DIP2B: variants seen among roughly 807,000 people sequenced by gnomAD.
DIP2B encodes the protein disco-interacting protein 2 homolog B.
Under a neutral mutation model 198.0 loss-of-function variants are expected in DIP2B, and 76 were observed. The observed-to-expected ratio is 0.38, with a 90% CI of 0.32 to 0.46. DIP2B has a LOEUF of 0.46. Ranked by LOEUF, DIP2B falls within the 20% of genes least tolerant of loss-of-function variation. The pLI is 0.99. For synonymous variants in DIP2B, 701 were observed against 739.1 expected, an observed-to-expected ratio of 0.95 and a Z score of 0.84; for missense variants, 1,559 against 1,978.4, an observed-to-expected ratio of 0.79 and a Z score of 4.02.
In DIP2B at chr12:50,660,302, A is replaced by G. The variant is rs1938623025; in HGVS notation, c.410A>G (p.Asp137Gly). ...RRSTFVQSPA[D>G]ACTPPDTSSA... The stretch of plus-strand genomic sequence containing the variant: ...TCCACATTTGTTCAGTCTCCTGCAG[A>G]TGCCTGCACACCTCCTGGTAGGTTT... Residue 137 changes from aspartate (D) to glycine (G), a missense_variant, in exon 4 of 38, where the codon GAT becomes GGT. Coordinates refer to ENST00000301180, the MANE Select transcript of DIP2B (RefSeq NM_173602.3). 1 of 1,608,976 alleles carries G rather than the reference A, an allele frequency of 6.2e-7. No homozygotes were observed. The highest frequency in any genetic ancestry group is 1.1e-5 in the South Asian group (1 of 89,598).
At chr12:50,583,511 TG>T (rs1049549701) in intron 1 of DIP2B, among the ~76,000 whole-genome samples, 2 of 152,174 alleles carry the variant, frequency 1.3e-5, no homozygotes, top group Non-Finnish European at 2.9e-5. Context: ...GCATCCCTAT[TG>T]ATCATAGACA....
intron 1 of DIP2B, among the ~76,000 whole-genome samples, chr12:50,518,675 G>T (rs1374801696): frequency 6.6e-6 from 1 of 152,214 alleles, no homozygotes; most frequent in East Asian, 1.9e-4. Context: ...CTTGTTTCAA[G>T]TAGTTTCAGC....
At chr12:50,704,245 T>G (rs1319552355) in intron 20 of DIP2B, 25 bp downstream of exon 20, 2 of 1,601,348 alleles carry the variant, frequency 1.2e-6, no homozygotes, top group Admixed American at 3.5e-5. Flanking sequence ...CATGTTGATT[T>G]TGTTACATTT....
intron 1 of DIP2B, among the ~76,000 whole-genome samples, chr12:50,521,094 GTTTTT>G (rs386376482): frequency 4.2e-5 from 4 of 94,316 alleles, no homozygotes; most frequent in Non-Finnish European, 4.0e-5. Context: ...TTCAGCAACA[GTTTTT>G]TTTTTTTTTT....
intron 3 of DIP2B, among the ~76,000 whole-genome samples, chr12:50,654,066 G>GT (rs946309537): frequency 6.6e-6 from 1 of 151,892 alleles, no homozygotes; most frequent in Non-Finnish European, 1.5e-5. Context: ...TAGAGACGGG[G>GT]TTTTACCTTG....
chr12:50,616,126 A>C (rs546573202), intron 1 of DIP2B, among the ~76,000 whole-genome samples: 1 of 152,240 alleles, frequency 6.6e-6, no homozygotes, highest in African/African-American at 2.4e-5. Context: ...AAGAAGTCAC[A>C]TATGTTTGAC....
intron 3 of DIP2B, among the ~76,000 whole-genome samples, chr12:50,652,492 C>T (rs1938475036): frequency 6.6e-6 from 1 of 151,900 alleles, no homozygotes; most frequent in African/African-American, 2.4e-5. Flanking sequence ...ACTGAGATTA[C>T]ACCATTGCAC....
intron 3 of DIP2B, among the ~76,000 whole-genome samples, chr12:50,649,853 C>G (rs1938422393): frequency 6.6e-6 from 1 of 150,830 alleles, no homozygotes; most frequent in Admixed American, 6.6e-5. Context: ...GAGACTTTGT[C>G]TCAAAAAAAA....
chr12:50,582,154 T>G (rs1387001437), intron 1 of DIP2B, among the ~76,000 whole-genome samples: 2 of 145,968 alleles, frequency 1.4e-5, no homozygotes, highest in South Asian at 2.2e-4. Context: ...TGTTTTTTTT[T>G]TTTTTTTTTT....
chr12:50,735,357 C>T (rs547312029), intron 34 of DIP2B, among the ~76,000 whole-genome samples: 1 of 152,170 alleles, frequency 6.6e-6, no homozygotes, highest in East Asian at 1.9e-4. Context: ...ATCCAACTGA[C>T]ATGTTATTCT....
intron 1 of DIP2B, among the ~76,000 whole-genome samples, chr12:50,560,963 A>G (rs1436187236): frequency 6.6e-6 from 1 of 152,162 alleles, no homozygotes; most frequent in Non-Finnish European, 1.5e-5. Context: ...CTGTTTTCAC[A>G]TTTTTACAAC....
At chr12:50,719,115 C>T in intron 25 of DIP2B, 80 bp downstream of exon 25, 4 of 1,459,486 alleles carry the variant, frequency 2.7e-6, no homozygotes, top group Non-Finnish European at 3.7e-6. Context: ...TTTCTTTCAT[C>T]AGAAAATTTC....
chr12:50,741,611 G>A (rs1212958152), intron 37 of DIP2B, 72 bp downstream of exon 37: 2 of 1,535,020 alleles, frequency 1.3e-6, no homozygotes. Flanking sequence ...TAATTAATTG[G>A]TCATTGGGAC....
At chr12:50,718,624 A>G in intron 23 of DIP2B, 85 bp from the exon 24 acceptor site, 1 of 1,173,392 alleles carries the variant, frequency 8.5e-7, no homozygotes, top group East Asian at 2.5e-5. Context: ...GAATATTTGA[A>G]CCAGTTTTGG....
At chr12:50,513,797 C>G (rs1168885461) in intron 1 of DIP2B, among the ~76,000 whole-genome samples, 1 of 150,664 alleles carries the variant, frequency 6.6e-6, no homozygotes, top group Non-Finnish European at 1.5e-5. Context: ...TTGCTTGAAC[C>G]TGGGAGGCGG....
chr12:50,646,376 C>T (rs1315490967), intron 3 of DIP2B, among the ~76,000 whole-genome samples: 1 of 151,360 alleles, frequency 6.6e-6, no homozygotes, highest in Non-Finnish European at 1.5e-5. Flanking sequence ...CTGCCTTGAC[C>T]TACCAAAGTG....
chr12:50,566,293 G>T (rs1958562475), intron 1 of DIP2B, among the ~76,000 whole-genome samples: 1 of 152,124 alleles, frequency 6.6e-6, no homozygotes, highest in Non-Finnish European at 1.5e-5. Context: ...GCCTTCCTTG[G>T]CTTCCCAGAC....
At chr12:50,597,728 C>T (rs1317509276) in intron 1 of DIP2B, among the ~76,000 whole-genome samples, 1 of 152,142 alleles carries the variant, frequency 6.6e-6, no homozygotes, top group Non-Finnish European at 1.5e-5. Flanking sequence ...TGATGACTGC[C>T]GACTCCTGTT....
intron 3 of DIP2B, among the ~76,000 whole-genome samples, chr12:50,652,757 A>G (rs543943069): frequency 6.6e-6 from 1 of 152,298 alleles, no homozygotes; most frequent in African/African-American, 2.4e-5. Context: ...CCATGAACAC[A>G]GGATCTCTTT....
Sources: gnomAD v4.1 joint callset for allele counts (sites outside exome capture counted in the v4.1 genomes callset) on GRCh38, gnomAD v4.1.1 for gene constraint, MANE v1.5 for transcripts, NCBI Gene and HGNC (gene_info 2026-07-23, HGNC 2026-07-21) for gene names.